CD226: variants seen among roughly 807,000 people sequenced by gnomAD.
CD226 encodes CD226 antigen.
In CD226, 24 loss-of-function variants were observed where a neutral mutation model predicts 34.9. The ratio of observed to expected loss-of-function variants is 0.69; its 90% CI spans 0.50 to 0.97. CD226 has a LOEUF of 0.97. CD226 is among the 50% of genes least tolerant of loss of function. CD226 has a pLI of 0.00. For missense variants in CD226, 397 were observed against 412.7 expected, an observed-to-expected ratio of 0.96 and a Z score of 0.33; for synonymous variants, 148 against 147.4, an observed-to-expected ratio of 1.00 and a Z score of -0.03.
rs966604469 is a variant in CD226, at chr18:69,862,542, T to C, written c.*1772A>G. On this transcript the variant is annotated 3_prime_UTR_variant, in exon 6 of 6. Coordinates refer to ENST00000582621, the MANE Select transcript of CD226 (RefSeq NM_001303618.2). ...AGCAAACATAATAAAAATGAGAGTTTACCCTTCTTGCATATACTTAAGCAC... is the reference window on the plus strand; with the variant it reads ...AGCAAACATAATAAAAATGAGAGTTCACCCTTCTTGCATATACTTAAGCAC... The C allele has an allele frequency of 4.6e-5, 7 of 152,158 alleles. No homozygotes were observed. Among genetic ancestry groups the C allele is most frequent in the African/African-American group, 1.7e-4 (7 of 41,466 alleles). The allele number at this position is 152,158 out of a possible 1,614,324, so 9.4% of individuals were successfully genotyped here.
At chr18:69,867,465 T>C (rs930733243) in intron 4 of CD226, 54 bp from the exon 5 acceptor site, 2 of 1,185,432 alleles carry the variant, frequency 1.7e-6, no homozygotes, top group African/African-American at 3.0e-5. Flanking sequence ...AGTACTAATA[T>C]TATTTCGAAG....
At chr18:69,921,442 A>C (rs1276432902) in intron 2 of CD226, among the ~76,000 whole-genome samples, 2 of 152,160 alleles carry the variant, frequency 1.3e-5, no homozygotes, top group Admixed American at 1.3e-4. Context: ...CTCTGTGAGA[A>C]GCTAACACAT....
rs984204713 is a variant in CD226, at chr18:69,857,234, G to T, written c.*7080C>A. The T allele has an allele frequency of 1.3e-5, 2 of 152,154 alleles. No homozygotes were observed. Among genetic ancestry groups the T allele is most frequent in the Non-Finnish European group, 2.9e-5 (2 of 68,018 alleles). The allele number at this position is 152,154 out of a possible 1,614,324, so 9.4% of individuals were successfully genotyped here. On this transcript the variant is annotated 3_prime_UTR_variant, in exon 6 of 6. Coordinates refer to ENST00000582621, the MANE Select transcript of CD226 (RefSeq NM_001303618.2). ...AAATAGACATACAAAATTACAGAAA[G>T]GTTAGAAGAGTAATCTCTATCTCTA...
Position 69,861,882 on chromosome 18 carries a change from T to C in CD226, c.*2432A>G, listed in dbSNP as rs1982849324. The C allele has an allele frequency of 6.6e-6, 1 of 152,032 alleles. No homozygotes were observed. The highest frequency in any genetic ancestry group is 6.6e-5 in the Admixed American group (1 of 15,256). 9.4% of individuals were successfully genotyped at this position (152,032 alleles called of 1,614,324 possible). A position where few individuals can be genotyped will look rare whatever the true frequency, so the allele number is the denominator to read the frequency against. ...TTCACAAGCATTACCCCTGAGGGTA[T>C]AACAGGAGCATCAGAAGACGTCAGA... On this transcript the variant is annotated 3_prime_UTR_variant, in exon 6 of 6. Transcript: ENST00000582621.
At position 69,946,180 on chromosome 18, in the gene CD226, CAAAAAAAAAA is replaced by C. The variant is rs60750165; in HGVS notation, c.382+544_382+553del. Among the ~76,000 whole-genome samples, 20 of 66,396 alleles carry C rather than the reference CAAAAAAAAAA, an allele frequency of 3.0e-4. No individual in the cohort carries two copies. The East Asian group carries it at 4.6e-3, about 15-fold the overall frequency. The allele number at this position is 66,396 out of a possible 152,430, so 43.6% of individuals were successfully genotyped here. On this transcript the variant is annotated intron_variant, in intron 2 of 5. Coordinates refer to ENST00000582621, the MANE Select transcript of CD226 (RefSeq NM_001303618.2). ...GCCTGGTGACAGAGCAAGACTCCAT[CAAAAAAAAAA>C]AAAAAAAAAAAAAAAAAAGAAGGAA... is the stretch of plus-strand genomic sequence containing the variant.
At chr18:69,955,213 G>A (rs2055886334) in intron 1 of CD226, among the ~76,000 whole-genome samples, 1 of 152,132 alleles carries the variant, frequency 6.6e-6, no homozygotes, top group Non-Finnish European at 1.5e-5. Context: ...CAGTTTCATT[G>A]TTTCTGCTAC....
At chr18:69,952,896 C>T (rs531121283) in intron 1 of CD226, among the ~76,000 whole-genome samples, 9 of 152,228 alleles carry the variant, frequency 5.9e-5, no homozygotes, top group African/African-American at 2.2e-4. Flanking sequence ...CACACTTTAA[C>T]ATAAAAGAAA....
Position 69,873,219 on chromosome 18 carries a change from A to G in CD226, c.755T>C (p.Phe252Ser). ...EGKTDNQYTL[F>S]VAGGTVLLLL... ...CAATAAAACTGTCCCTCCAGCCACA[A>G]AGAGGGTATATTGGTTATCGGTTTT... Residue 252 changes from phenylalanine (F) to serine (S), a missense_variant, in exon 4 of 6, where the codon TTT becomes TCT. Coordinates refer to ENST00000582621, the MANE Select transcript of CD226 (RefSeq NM_001303618.2). The G allele has an allele frequency of 6.2e-7, 1 of 1,606,408 alleles. No individual in the cohort carries two copies. The highest frequency in any genetic ancestry group is 8.5e-7 in the Non-Finnish European group (1 of 1,173,136).
upstream of CD226, among the ~76,000 whole-genome samples, chr18:69,960,275 T>G (rs56796157): frequency 0.78 from 115,444 of 148,432 alleles, 50,890 homozygotes; most frequent in East Asian, 0.99. Flanking sequence ...AAAAAGAAAA[T>G]AAAAAGAATA....
chr18:69,897,704 A>G (rs1469950748), intron 2 of CD226, among the ~76,000 whole-genome samples: 1 of 152,190 alleles, frequency 6.6e-6, no homozygotes, highest in East Asian at 1.9e-4. Context: ...AGAAAAAAGG[A>G]AGGAAAGGAG....
At chr18:69,931,504 T>A (rs749583890) in intron 2 of CD226, among the ~76,000 whole-genome samples, 2 of 152,142 alleles carry the variant, frequency 1.3e-5, no homozygotes, top group Non-Finnish European at 2.9e-5. Context: ...AGGCATAGAT[T>A]ACAAAATAAC....
intron 3 of CD226, among the ~76,000 whole-genome samples, chr18:69,874,441 A>G (rs1983739682): frequency 6.6e-6 from 1 of 152,138 alleles, no homozygotes; most frequent in Admixed American, 6.5e-5. Context: ...ATGAAACCCA[A>G]TGGTCTTCAT....
chr18:69,960,944 G>T (rs2055926844), upstream of CD226, among the ~76,000 whole-genome samples: 1 of 152,160 alleles, frequency 6.6e-6, no homozygotes, highest in Non-Finnish European at 1.5e-5. Flanking sequence ...TATTCTGGAG[G>T]TTTTAACTAA....
chr18:69,946,409 T>C (rs548519171), intron 2 of CD226, among the ~76,000 whole-genome samples: 6 of 152,218 alleles, frequency 3.9e-5, no homozygotes, highest in African/African-American at 1.2e-4. Context: ...GATAAAACCC[T>C]GAAAGGATCC....
rs776426087 is a variant in CD226, at chr18:69,864,267, A to G, written c.*47T>C. On this transcript the variant is annotated 3_prime_UTR_variant, in exon 6 of 6. Coordinates refer to ENST00000582621, the MANE Select transcript of CD226 (RefSeq NM_001303618.2). ...AAAAAAATTGCATAAAGATCCATGCATGAGTACATAAGAGTCATTACTAAT... is the reference window on the plus strand; with the variant it reads ...AAAAAAATTGCATAAAGATCCATGCGTGAGTACATAAGAGTCATTACTAAT... 3 of 1,601,254 alleles carry G rather than the reference A, an allele frequency of 1.9e-6. No homozygotes were observed. Among genetic ancestry groups the G allele is most frequent in the Non-Finnish European group, 2.6e-6 (3 of 1,170,214 alleles).
intron 2 of CD226, among the ~76,000 whole-genome samples, chr18:69,901,944 A>T (rs1375287690): frequency 6.6e-6 from 1 of 152,088 alleles, no homozygotes; most frequent in Non-Finnish European, 1.5e-5. Context: ...CCTAAATTGG[A>T]GTCCCTGCTT....
At chr18:69,952,180 C>T (rs1189923087), upstream of CD226, among the ~76,000 whole-genome samples, 1 of 152,100 alleles carries the variant, frequency 6.6e-6, no homozygotes, top group African/African-American at 2.4e-5. Context: ...GACACAGAAA[C>T]TCAAAAACCA....
chr18:69,877,559 G>A (rs73462793), intron 3 of CD226, among the ~76,000 whole-genome samples: 13 of 152,288 alleles, frequency 8.5e-5, no homozygotes, highest in African/African-American at 2.9e-4. Context: ...TATGGGGTGG[G>A]ATCCTCTCTG....
At chr18:69,886,030 G>A (rs1040605800) in intron 3 of CD226, among the ~76,000 whole-genome samples, 7 of 152,098 alleles carry the variant, frequency 4.6e-5, no homozygotes, top group Admixed American at 2.6e-4. Context: ...TAGCTCCACC[G>A]TCACCAGCTT....
Sources: gnomAD v4.1 joint callset for allele counts (sites outside exome capture counted in the v4.1 genomes callset) on GRCh38, gnomAD v4.1.1 for gene constraint, MANE v1.5 for transcripts, NCBI Gene and HGNC (gene_info 2026-07-23, HGNC 2026-07-21) for gene names.